TMEM117: variants seen among roughly 807,000 people sequenced by gnomAD.
TMEM117 encodes transmembrane protein 117.
A neutral mutation model predicts 52.4 loss-of-function variants in TMEM117; 27 were observed. The ratio of observed to expected loss-of-function variants is 0.51; its 90% CI spans 0.38 to 0.71. The LOEUF is 0.71. Among genes scored for constraint, TMEM117 ranks in the 30% least tolerant of loss-of-function variants. The probability of loss-of-function intolerance (pLI) is 0.00; values close to 1 mark genes in which losing one functional copy is unlikely to be tolerated. For missense variants in TMEM117, 556 were observed against 630.5 expected (o/e 0.88, Z 1.26); for synonymous variants, 215 against 206.3 (o/e 1.04, Z -0.36).
intron 5 of TMEM117, among the ~76,000 whole-genome samples, chr12:44,243,645 C>A (rs1207659896): frequency 4.6e-5 from 7 of 151,960 alleles, no homozygotes; most frequent in East Asian, 1.9e-4. Flanking sequence ...ACTTAAAACT[C>A]CTTCAGCAAA....
intron 6 of TMEM117, among the ~76,000 whole-genome samples, chr12:44,364,283 G>C (rs1039550372): frequency 2.6e-5 from 4 of 151,964 alleles, no homozygotes; most frequent in African/African-American, 9.7e-5. Context: ...CAATTTTTAT[G>C]AGTAAAAATT....
intron 3 of TMEM117, among the ~76,000 whole-genome samples, chr12:44,134,608 A>T (rs931892973): frequency 1.3e-5 from 2 of 152,200 alleles, no homozygotes; most frequent in Non-Finnish European, 2.9e-5. Context: ...ACATCTGTTT[A>T]TCTTCGTTCT....
chr12:43,976,985 C>A lies in TMEM117; in HGVS notation c.410+32643C>A, dbSNP rs961136351. Reference sequence around the variant, plus strand: ...TGTGTGCCGTTACTAAGGAACCCCCCACTAGGGGTATGTTAACCCCTTTCA... The same window carrying A: ...TGTGTGCCGTTACTAAGGAACCCCCAACTAGGGGTATGTTAACCCCTTTCA... On this transcript the variant is annotated intron_variant, in intron 3 of 7. Coordinates refer to ENST00000266534, the MANE Select transcript of TMEM117 (RefSeq NM_032256.3). 6.6e-5 allele frequency among the ~76,000 whole-genome samples: 10 copies of A among 152,296 alleles called. No individual in the cohort carries two copies. In the South Asian group the frequency reaches 1.4e-3, roughly 22 times the overall value.
chr12:43,916,815 T>C (rs1944611488), intron 2 of TMEM117, among the ~76,000 whole-genome samples: 1 of 152,168 alleles, frequency 6.6e-6, no homozygotes, highest in East Asian at 1.9e-4. Flanking sequence ...GCCAGGTAGA[T>C]ATATCTGATT....
chr12:43,993,284 C>T (rs1353565342), intron 3 of TMEM117, among the ~76,000 whole-genome samples: 1 of 152,170 alleles, frequency 6.6e-6, no homozygotes, highest in Non-Finnish European at 1.5e-5. Context: ...ACCTACTTTA[C>T]AGATGTGTTG....
the TMEM117 span, among the ~76,000 whole-genome samples, chr12:43,819,187 G>T: frequency 6.6e-6 from 1 of 152,158 alleles, no homozygotes; most frequent in Non-Finnish European, 1.5e-5. Context: ...CACTTTCTAT[G>T]ATGTACTGTA....
intron 4 of TMEM117, among the ~76,000 whole-genome samples, chr12:44,168,210 G>T (rs113777671): frequency 2.0e-5 from 3 of 151,426 alleles, no homozygotes; most frequent in African/African-American, 7.3e-5. Context: ...CTGAGATGGC[G>T]CTACTGGACT....
intron 2 of TMEM117, among the ~76,000 whole-genome samples, chr12:43,913,378 T>C (rs1039429762): frequency 2.0e-5 from 3 of 152,214 alleles, no homozygotes; most frequent in African/African-American, 4.8e-5. Context: ...TTTATAATCA[T>C]ATTTTGAACT....
intron 5 of TMEM117, among the ~76,000 whole-genome samples, chr12:44,247,245 TG>T (rs1348261831): frequency 6.6e-6 from 1 of 152,210 alleles, no homozygotes; most frequent in Non-Finnish European, 1.5e-5. Context: ...GAAGTCTGTA[TG>T]GTACTAACTA....
intron 5 of TMEM117, among the ~76,000 whole-genome samples, chr12:44,297,038 A>T (rs1013958226): frequency 9.9e-5 from 15 of 152,208 alleles, no homozygotes; most frequent in African/African-American, 3.4e-4. Context: ...ACTTTTTTCC[A>T]TAGATAGCTG....
intron 6 of TMEM117, among the ~76,000 whole-genome samples, chr12:44,374,252 TAG>T (rs1017093179): frequency 3.3e-5 from 5 of 151,914 alleles, no homozygotes; most frequent in African/African-American, 1.2e-4. Flanking sequence ...ATCAGAGTAG[TAG>T]AGAGAGAGAA....
intron 3 of TMEM117, among the ~76,000 whole-genome samples, chr12:44,018,781 G>C (rs1374347901): frequency 6.7e-6 from 1 of 148,840 alleles, no homozygotes; most frequent in Admixed American, 6.7e-5. Context: ...GTGCAGTGGC[G>C]CAATCTTGGC....
At chr12:44,208,531 C>T (rs769449315) in intron 4 of TMEM117, among the ~76,000 whole-genome samples, 2 of 152,036 alleles carry the variant, frequency 1.3e-5, no homozygotes, top group Non-Finnish European at 2.9e-5. Flanking sequence ...TTGACCAACA[C>T]CAGAAATGAA....
At chr12:43,974,682 C>T (rs182549209) in intron 3 of TMEM117, among the ~76,000 whole-genome samples, 1 of 152,174 alleles carries the variant, frequency 6.6e-6, no homozygotes, top group East Asian at 1.9e-4. Flanking sequence ...TCCAGATGTA[C>T]ATTTTTGATG....
chr12:44,162,145 A>G (rs1362825870), intron 4 of TMEM117, among the ~76,000 whole-genome samples: 1 of 152,194 alleles, frequency 6.6e-6, no homozygotes, highest in Non-Finnish European at 1.5e-5. Context: ...AGATGATGAT[A>G]TATATTTGGA....
intron 3 of TMEM117, among the ~76,000 whole-genome samples, chr12:44,088,448 G>A (rs1447910090): frequency 6.6e-6 from 1 of 152,112 alleles, no homozygotes; most frequent in Non-Finnish European, 1.5e-5. Flanking sequence ...TCTAATTTTA[G>A]AGCTTGTGAT....
chr12:44,364,768 G>C (rs148882190), intron 6 of TMEM117, among the ~76,000 whole-genome samples: 1 of 152,136 alleles, frequency 6.6e-6, no homozygotes, highest in African/African-American at 2.4e-5. Flanking sequence ...AGATCTTCTT[G>C]TGTTTTTGCA....
chr12:43,864,315 A>G (rs1013853429), intron 2 of TMEM117, among the ~76,000 whole-genome samples: 3 of 152,312 alleles, frequency 2.0e-5, no homozygotes, highest in Non-Finnish European at 4.4e-5. Context: ...AGGCAGCTCT[A>G]TCTGCAGCCC....
chr12:44,172,652 G>A (rs78675913), intron 4 of TMEM117, among the ~76,000 whole-genome samples: 4,727 of 152,174 alleles, frequency 0.031, 108 homozygotes, highest in Admixed American at 0.044. Flanking sequence ...AGTTAAACCC[G>A]TAACACTGCC....
Sources: allele counts gnomAD v4.1 joint callset (sites outside exome capture counted in the v4.1 genomes callset), GRCh38; gene constraint gnomAD v4.1.1; transcripts MANE v1.5; gene names NCBI Gene and HGNC (gene_info 2026-07-23, HGNC 2026-07-21).